The following FAT4 variants were observed in gnomAD, a reference collection of about 807,000 sequenced individuals.
FAT4 encodes the protein protocadherin Fat 4.
In FAT4, 84 loss-of-function variants were observed where a neutral mutation model predicts 303.9. The observed-to-expected ratio is 0.28, with a 90% CI of 0.23 to 0.33. The LOEUF (loss-of-function observed/expected upper bound fraction) is 0.33. FAT4 is among the 10% of genes least tolerant of loss of function. The pLI is 1.00. For synonymous variants in FAT4, 2,307 were observed against 2,298.8 expected (o/e 1.00, Z -0.10); for missense variants, 6,005 against 6,146.8 (o/e 0.98, Z 0.77).
intron 7 of FAT4, among the ~76,000 whole-genome samples, chr4:125,425,961 G>T (rs1332545872): frequency 6.6e-6 from 1 of 152,068 alleles, no homozygotes; most frequent in Non-Finnish European, 1.5e-5. Context: ...TCATTCTTAT[G>T]CAGGGATTGA....
Position 125,321,000 on chromosome 4 carries a change from T to C in FAT4, c.4589T>C (p.Ile1530Thr). 6.2e-7 allele frequency: 1 copy of C among 1,614,212 alleles called. No homozygotes were observed. The highest frequency in any genetic ancestry group is 1.1e-5 in the South Asian group (1 of 91,084). The change falls in exon 2 of 18, where the codon ATA becomes ACA. Residue 1530 changes from isoleucine (I) to threonine (T), a missense_variant. Coordinates refer to ENST00000394329, the MANE Select transcript of FAT4 (RefSeq NM_001291303.3). ...CTCAATGACAATGTCCCAATGTTTA[T>C]ATCACAAAACGCCCTTGCTGCAGAC... ...TDLNDNVPMF[I>T]SQNALAADPS...
intron 8 of FAT4, among the ~76,000 whole-genome samples, chr4:125,438,338 G>C (rs1725531012): frequency 6.6e-6 from 1 of 152,104 alleles, no homozygotes; most frequent in Non-Finnish European, 1.5e-5. Context: ...TCCTATGCTT[G>C]TGAATTATGC....
At chr4:125,406,587 A>G (rs1734618007) in intron 3 of FAT4, among the ~76,000 whole-genome samples, 1 of 152,200 alleles carries the variant, frequency 6.6e-6, no homozygotes, top group Non-Finnish European at 1.5e-5. Context: ...TGCATAGATA[A>G]CATGGACATT....
At chr4:125,426,061 G>A (rs961820409) in intron 7 of FAT4, among the ~76,000 whole-genome samples, 6 of 152,014 alleles carry the variant, frequency 3.9e-5, no homozygotes, top group Non-Finnish European at 7.4e-5. Flanking sequence ...TATTTTATTG[G>A]TGAGCACCTG....
chr4:125,380,730 G>C (rs1733506122), intron 2 of FAT4, among the ~76,000 whole-genome samples: 1 of 152,178 alleles, frequency 6.6e-6, no homozygotes, highest in African/African-American at 2.4e-5. Flanking sequence ...CAGGAGAACT[G>C]TAATGTTTCT....
chr4:125,320,675 C>T lies in FAT4; in HGVS notation c.4264C>T (p.Pro1422Ser), dbSNP rs748678582. 2 of 1,613,930 alleles carry T rather than the reference C, an allele frequency of 1.2e-6. No homozygotes were observed. Among genetic ancestry groups the T allele is most frequent in the South Asian group, 2.2e-5 (2 of 91,074 alleles). Residue 1422 changes from proline (P) to serine (S), a missense_variant, in exon 2 of 18, where the codon CCT becomes TCT. Physicochemically the swap from Pro to Ser is moderately conservative, Grantham distance 74. Coordinates refer to ENST00000394329, the MANE Select transcript of FAT4 (RefSeq NM_001291303.3). The part of the protein sequence containing the change: ...DFNDNPPSFP[P>S]GDIFKSIVEN... ...TAATGACAATCCTCCTAGCTTTCCT[C>T]CTGGAGATATTTTCAAGTCTATTGT...
At chr4:125,345,481 A>C (rs1383356105) in intron 2 of FAT4, among the ~76,000 whole-genome samples, 1 of 152,026 alleles carries the variant, frequency 6.6e-6, no homozygotes, top group East Asian at 1.9e-4. Context: ...GGTGACAAAA[A>C]TACTTATTAT....
intron 2 of FAT4, among the ~76,000 whole-genome samples, chr4:125,345,448 GA>G (rs966237478): frequency 2.1e-5 from 3 of 143,952 alleles, no homozygotes; most frequent in Admixed American, 6.9e-5. Context: ...AAGAAGTATT[GA>G]AAAAAAAAAC....
At chr4:125,372,016 A>T (rs1328135202) in intron 2 of FAT4, among the ~76,000 whole-genome samples, 1 of 152,118 alleles carries the variant, frequency 6.6e-6, no homozygotes, top group Non-Finnish European at 1.5e-5. Flanking sequence ...GAATAAAAGA[A>T]GAACGAAATG....
intron 2 of FAT4, chr4:125,394,122 A>C: frequency 1.7e-6 from 1 of 598,398 alleles, no homozygotes; most frequent in Non-Finnish European, 3.1e-6. Context: ...AGGCATGCAG[A>C]AAACATGGAA....
At chr4:125,481,440 T>A in intron 15 of FAT4, 81 bp from the exon 16 acceptor site, 5 of 1,195,204 alleles carry the variant, frequency 4.2e-6, no homozygotes, top group Non-Finnish European at 4.8e-6. Flanking sequence ...TTGTCCTTTT[T>A]ATATTTTTGT....
chr4:125,452,236 G>A lies in FAT4; in HGVS notation c.11226G>A (p.Gln3742=), dbSNP rs772909140. The change falls in exon 10 of 18, where the codon CAG becomes CAA. Residue 3742 remains glutamine (Q), a synonymous_variant. Coordinates refer to ENST00000394329, the MANE Select transcript of FAT4 (RefSeq NM_001291303.3). ...YLHFLRIASS[Q]LTGLGTAVQL... ...ATTTTTTACGCATTGCCAGCTCACA[G>A]CTGACAGGCTTAGGGACTGCTGTGC... is the stretch of plus-strand genomic sequence containing the variant. 2.5e-6 allele frequency: 4 copies of A among 1,614,234 alleles called. No individual in the cohort carries two copies. The highest frequency in any genetic ancestry group is 3.4e-6 in the Non-Finnish European group (4 of 1,180,028).
At chr4:125,419,068 C>T (rs949433143) in intron 7 of FAT4, among the ~76,000 whole-genome samples, 2 of 152,184 alleles carry the variant, frequency 1.3e-5, no homozygotes, top group Non-Finnish European at 2.9e-5. Flanking sequence ...CTACCTCTGA[C>T]ATTCCCAGCT....
At chr4:125,397,265 C>T (rs1191917176) in intron 2 of FAT4, among the ~76,000 whole-genome samples, 1 of 152,042 alleles carries the variant, frequency 6.6e-6, no homozygotes, top group African/African-American at 2.4e-5. Flanking sequence ...TATTATTATA[C>T]TGATTTTAAA....
In FAT4 at chr4:125,319,565, T is replaced by C. The variant is rs867529121; in HGVS notation, c.3154T>C (p.Leu1052=). ...TTTTGGCATATTCCCAGATGGTCAA[T>C]TGTATATAAAAAGTGAACTGGACCG... ...DAFGIFPDGQ[L]YIKSELDREL... is the part of the protein sequence containing the mutation. Residue 1052 remains leucine (L), a synonymous_variant, in exon 2 of 18, where the codon TTG becomes CTG. Coordinates refer to ENST00000394329, the MANE Select transcript of FAT4 (RefSeq NM_001291303.3). 49 of 1,614,004 alleles carry C rather than the reference T, an allele frequency of 3.0e-5. 1 individual carries two copies. The Middle Eastern group carries it at 5.4e-3, about 179-fold the overall frequency.
At chr4:125,468,885 G>A (rs1726765873) in intron 12 of FAT4, 66 bp downstream of exon 12, 2 of 1,467,614 alleles carry the variant, frequency 1.4e-6, no homozygotes, top group Non-Finnish European at 1.8e-6. Flanking sequence ...ATGAATTGGG[G>A]TGCAAATCAT....
At chr4:125,480,769 A>G (rs901894736) in intron 15 of FAT4, among the ~76,000 whole-genome samples, 1 of 152,126 alleles carries the variant, frequency 6.6e-6, no homozygotes, top group Non-Finnish European at 1.5e-5. Flanking sequence ...GAGCCTAATT[A>G]TATCTGAAAT....
At chr4:125,328,144 T>A (rs1351326358) in intron 2 of FAT4, among the ~76,000 whole-genome samples, 1 of 152,214 alleles carries the variant, frequency 6.6e-6, no homozygotes, top group African/African-American at 2.4e-5. Context: ...TATTTTCTAA[T>A]AATTTCAAGC....
intron 5 of FAT4, 112 bp downstream of exon 5, chr4:125,408,906 G>A (rs1335941707): frequency 9.4e-6 from 5 of 531,062 alleles, no homozygotes; most frequent in Admixed American, 7.2e-5. Flanking sequence ...GTGAATATAG[G>A]TTGGAAGTTG....
Sources: allele counts gnomAD v4.1 joint callset (sites outside exome capture counted in the v4.1 genomes callset), GRCh38; gene constraint gnomAD v4.1.1; transcripts MANE v1.5; gene names NCBI Gene and HGNC (gene_info 2026-07-23, HGNC 2026-07-21).